MTMR7: variants seen among roughly 807,000 people sequenced by gnomAD.
MTMR7 encodes phosphatidylinositol-3-phosphate phosphatase MTMR7.
Under a neutral mutation model 81.2 loss-of-function variants are expected in MTMR7, and 76 were observed. The ratio of observed to expected loss-of-function variants is 0.94; its 90% CI spans 0.78 to 1.13. The LOEUF (loss-of-function observed/expected upper bound fraction) is 1.13, where lower values mean the gene tolerates loss of function less well. Ranked by LOEUF, MTMR7 falls within the 50% of genes most tolerant of loss-of-function variation. The pLI is 0.00. For missense variants in MTMR7, 1,044 were observed against 820.0 expected, an observed-to-expected ratio of 1.27 and a Z score of -3.34; for synonymous variants, 372 against 289.8, an observed-to-expected ratio of 1.28 and a Z score of -2.88.
Position 17,336,854 on chromosome 8 carries a change from C to T in MTMR7, c.732+4509G>A, listed in dbSNP as rs372247172. ...ACCCCACAGAGCTTCCACGTGGAAA[C>T]GAGGCTCTGCTGGAGAATTTTTGTA... On this transcript the variant is annotated intron_variant, in intron 6 of 13. Transcript: ENST00000180173. 3.3e-5 allele frequency among the ~76,000 whole-genome samples: 5 copies of T among 152,258 alleles called. No individual in the cohort carries two copies. The East Asian group carries it at 7.7e-4, about 24-fold the overall frequency.
intron 7 of MTMR7, among the ~76,000 whole-genome samples, chr8:17,321,970 C>T (rs2051661): frequency 0.41 from 61,740 of 152,012 alleles, 14,145 homozygotes; most frequent in East Asian, 0.77. Flanking sequence ...TTTCCTATAC[C>T]ACTCTTATTT....
chr8:17,321,310 C>A (rs937561234), intron 7 of MTMR7, among the ~76,000 whole-genome samples: 2 of 152,196 alleles, frequency 1.3e-5, no homozygotes, highest in African/African-American at 4.8e-5. Flanking sequence ...AATGTCCCCA[C>A]GCTTCTCTGT....
At chr8:17,381,617 G>A (rs900784122) in intron 1 of MTMR7, among the ~76,000 whole-genome samples, 3 of 152,134 alleles carry the variant, frequency 2.0e-5, no homozygotes, top group Admixed American at 1.3e-4. Flanking sequence ...ACTGGCTACC[G>A]GCTTTTCTCA....
In MTMR7 at chr8:17,298,940, T is replaced by TTAA. The variant is rs1816918601; in HGVS notation, c.*919_*921dup. ...TAGATTACAAAACCTATTCCCTTCATTAAACAGACATGACAACCCAATTCT... is the reference window on the plus strand; with the variant it reads ...TAGATTACAAAACCTATTCCCTTCATTAATAAACAGACATGACAACCCAATTCT... On this transcript the variant is annotated 3_prime_UTR_variant, in exon 14 of 14. Transcript: ENST00000180173. 6.6e-6 allele frequency: 1 copy of TTAA among 152,214 alleles called. No homozygotes were observed. The highest frequency in any genetic ancestry group is 2.4e-5 in the African/African-American group (1 of 41,472). 9.4% of individuals were successfully genotyped at this position (152,214 alleles called of 1,614,324 possible). A position where few individuals can be genotyped will look rare whatever the true frequency, so the allele number is the denominator to read the frequency against.
At chr8:17,412,981 C>A (rs1411909346) in intron 1 of MTMR7, among the ~76,000 whole-genome samples, 1 of 152,244 alleles carries the variant, frequency 6.6e-6, no homozygotes, top group Non-Finnish European at 1.5e-5. Flanking sequence ...CACCCAGTTA[C>A]TAGCAGACAA....
rs906915888 is a variant in MTMR7, at chr8:17,297,379, G to C, written c.*2483C>G. 2 of 152,032 alleles carry C rather than the reference G, an allele frequency of 1.3e-5. No individual in the cohort carries two copies. Among genetic ancestry groups the C allele is most frequent in the African/African-American group, 2.4e-5 (1 of 41,420 alleles). 9.4% of individuals were successfully genotyped at this position (152,032 alleles called of 1,614,324 possible). A position where few individuals can be genotyped will look rare whatever the true frequency, so the allele number is the denominator to read the frequency against. ...ATTTATATCAGAATAGAGGGTGCTTGACACATATATATGCTTAAATTGAAG... is the reference window on the plus strand; with the variant it reads ...ATTTATATCAGAATAGAGGGTGCTTCACACATATATATGCTTAAATTGAAG... On this transcript the variant is annotated 3_prime_UTR_variant, in exon 14 of 14. Transcript: ENST00000180173.
At chr8:17,362,020 C>T (rs956211872) in intron 3 of MTMR7, among the ~76,000 whole-genome samples, 1 of 152,164 alleles carries the variant, frequency 6.6e-6, no homozygotes, top group African/African-American at 2.4e-5. Context: ...CCTCTCTCCA[C>T]TAAAATCTAG....
At position 17,361,172 on chromosome 8, in the gene MTMR7, C is replaced by T. The variant is rs566352492; in HGVS notation, c.413G>A (p.Arg138Gln). 30 of 1,614,164 alleles carry T rather than the reference C, an allele frequency of 1.9e-5. No homozygotes were observed. The highest frequency in any genetic ancestry group is 8.8e-5 in the South Asian group (8 of 91,084). Residue 138 changes from arginine to glutamine, a missense_variant, in exon 4 of 14, where the codon CGG (arginine) becomes CAG (glutamine). Coordinates refer to ENST00000180173, the MANE Select transcript of MTMR7 (RefSeq NM_004686.5). ...CCAGTAATGATTAGGGAGGCCCATC[C>T]GCGTGTATTCTTCACTAAGATCGAT... is the stretch of plus-strand genomic sequence containing the variant. ...VLIDLSEEYT[R>Q]MGLPNHYWQL...
intron 1 of MTMR7, among the ~76,000 whole-genome samples, chr8:17,386,073 G>A (rs1278376578): frequency 6.6e-6 from 1 of 152,076 alleles, no homozygotes; most frequent in East Asian, 1.9e-4. Context: ...CAGGCACCCA[G>A]ACTATTTATC....
At chr8:17,370,919 G>C in intron 3 of MTMR7, 118 bp downstream of exon 3, 3 of 1,056,358 alleles carry the variant, frequency 2.8e-6, no homozygotes, top group Non-Finnish European at 4.1e-6. Flanking sequence ...TCCTGAGAAC[G>C]AGACTGACAC....
rs749120627 is a variant in MTMR7, at chr8:17,309,239, T to C, written c.1151+38A>G. 25 of 1,314,522 alleles carry C rather than the reference T, an allele frequency of 1.9e-5. 1 individual carries two copies. The highest frequency in any genetic ancestry group is 2.5e-5 in the Non-Finnish European group (23 of 923,978). 81.4% of individuals were successfully genotyped at this position (1,314,522 alleles called of 1,614,324 possible). A position where few individuals can be genotyped will look rare whatever the true frequency, so the allele number is the denominator to read the frequency against. On this transcript the variant is annotated intron_variant, in intron 10 of 13. Coordinates refer to ENST00000180173, the MANE Select transcript of MTMR7 (RefSeq NM_004686.5). ...TTGAAATTTTCAGAAACAGTGCTTTTATTCTAAACATTCAAAACAGTCTTA... is the reference window on the plus strand; with the variant it reads ...TTGAAATTTTCAGAAACAGTGCTTTCATTCTAAACATTCAAAACAGTCTTA...
chr8:17,331,332 ATG>A (rs1443487718), intron 6 of MTMR7, 50 bp from the exon 7 acceptor site: 1 of 1,529,470 alleles, frequency 6.5e-7, no homozygotes, highest in Non-Finnish European at 8.7e-7. Flanking sequence ...TGATGAAACA[ATG>A]ATGAAACAAC....
chr8:17,329,357 G>T (rs73552075), intron 7 of MTMR7, among the ~76,000 whole-genome samples: 2 of 152,270 alleles, frequency 1.3e-5, no homozygotes, highest in Non-Finnish European at 2.9e-5. Context: ...AGATATCCTA[G>T]CCTACTGCAC....
intron 7 of MTMR7, among the ~76,000 whole-genome samples, chr8:17,314,922 A>G (rs1253248290): frequency 2.6e-5 from 4 of 152,132 alleles, no homozygotes; most frequent in Non-Finnish European, 4.4e-5. Context: ...GGAAGACACT[A>G]TGTGTCTGAT....
At chr8:17,402,630 T>G (rs918317038) in intron 1 of MTMR7, among the ~76,000 whole-genome samples, 2 of 152,220 alleles carry the variant, frequency 1.3e-5, no homozygotes, top group Non-Finnish European at 2.9e-5. Context: ...CCATTGTATA[T>G]ATGTACTACG....
intron 7 of MTMR7, among the ~76,000 whole-genome samples, chr8:17,327,046 T>A (rs1818717256): frequency 6.6e-6 from 1 of 152,228 alleles, no homozygotes; most frequent in African/African-American, 2.4e-5. Flanking sequence ...GTATAGTGAA[T>A]AAGAATATGC....
At chr8:17,324,541 C>T (rs2150516485) in intron 7 of MTMR7, among the ~76,000 whole-genome samples, 1 of 152,356 alleles carries the variant, frequency 6.6e-6, no homozygotes, top group Non-Finnish European at 1.5e-5. Flanking sequence ...GGGCAGATCC[C>T]ATCCAGCACC....
At chr8:17,411,220 A>C (rs1462075782) in intron 1 of MTMR7, among the ~76,000 whole-genome samples, 1 of 152,184 alleles carries the variant, frequency 6.6e-6, no homozygotes, top group Non-Finnish European at 1.5e-5. Context: ...GGTTGTAATT[A>C]TTTATTACAA....
intron 1 of MTMR7, among the ~76,000 whole-genome samples, chr8:17,381,270 G>A (rs898577822): frequency 1.3e-5 from 2 of 151,856 alleles, no homozygotes; most frequent in African/African-American, 4.8e-5. Context: ...CAAAACCCTG[G>A]GCCCCACCAC....
Sources: gnomAD v4.1 joint callset for allele counts (sites outside exome capture counted in the v4.1 genomes callset) on GRCh38, gnomAD v4.1.1 for gene constraint, MANE v1.5 for transcripts, NCBI Gene and HGNC (gene_info 2026-07-23, HGNC 2026-07-21) for gene names.